CREBBP: variants seen among roughly 807,000 people sequenced by gnomAD.
CREBBP encodes the protein CREB-binding protein.
Under a neutral mutation model 265.0 loss-of-function variants are expected in CREBBP, and 19 were observed. The observed-to-expected ratio is 0.07, with a 90% CI of 0.05 to 0.11. CREBBP has a LOEUF of 0.11. CREBBP is among the 10% of genes least tolerant of loss of function. The pLI is 1.00. For synonymous variants in CREBBP, 1,457 were observed against 1,223.7 expected, an observed-to-expected ratio of 1.19 and a Z score of -3.98; for missense variants, 2,525 against 3,219.0, an observed-to-expected ratio of 0.78 and a Z score of 5.22.
intron 1 of CREBBP, among the ~76,000 whole-genome samples, chr16:3,860,619 T>C (rs916950577): frequency 2.2e-4 from 34 of 152,160 alleles, no homozygotes; most frequent in Non-Finnish European, 1.0e-4. Flanking sequence ...TTTCAAAACA[T>C]CATGTTGTAT....
Position 3,727,849 on chromosome 16 carries a change from A to G in CREBBP, c.7198T>C (p.Leu2400=), listed in dbSNP as rs1163628536. The G allele has an allele frequency of 6.2e-6, 10 of 1,613,978 alleles. No individual in the cohort carries two copies. Among genetic ancestry groups the G allele is most frequent in the African/African-American group, 1.3e-5 (1 of 74,906 alleles). Residue 2400 remains leucine, a synonymous_variant, in exon 31 of 31, where the codon TTG becomes CTG. Coordinates refer to ENST00000262367, the MANE Select transcript of CREBBP (RefSeq NM_004380.3). ...TMASSIDQGH[L]GNPEQSAMLP... is the part of the protein sequence containing the mutation. ...ATTGCACTCTGTTCGGGGTTCCCCA[A>G]GTGTCCCTGATCTATGGAGCTGGCC...
rs959951062 is a variant in CREBBP, at chr16:3,726,768, G to A, written c.*950C>T. The stretch of plus-strand genomic sequence containing the variant: ...CAGCATTTTCATAACAAAAAACCCC[G>A]AACACTAAGTGTTAATACCATGTAC... On this transcript the variant is annotated 3_prime_UTR_variant, in exon 31 of 31. Coordinates refer to ENST00000262367, the MANE Select transcript of CREBBP (RefSeq NM_004380.3). The A allele has an allele frequency of 8.6e-6, 2 of 233,318 alleles. No individual in the cohort carries two copies. Among genetic ancestry groups the A allele is most frequent in the Non-Finnish European group, 1.7e-5 (2 of 118,000 alleles). 14.5% of individuals were successfully genotyped at this position (233,318 alleles called of 1,614,324 possible).
chr16:3,817,717 A>G (rs1027499476), intron 2 of CREBBP, among the ~76,000 whole-genome samples: 4 of 152,008 alleles, frequency 2.6e-5, no homozygotes, highest in South Asian at 4.2e-4. Flanking sequence ...CCAAGCATCC[A>G]TTTTCTGGCT....
intron 1 of CREBBP, among the ~76,000 whole-genome samples, chr16:3,858,314 T>G (rs2055004734): frequency 6.6e-6 from 1 of 152,232 alleles, no homozygotes; most frequent in African/African-American, 2.4e-5. Flanking sequence ...ACACCTTTCT[T>G]CAGGTTTTCT....
At chr16:3,839,714 G>C (rs1251728276) in intron 2 of CREBBP, among the ~76,000 whole-genome samples, 1 of 138,002 alleles carries the variant, frequency 7.2e-6, no homozygotes, top group African/African-American at 2.7e-5. Context: ...GAAGGGAAGG[G>C]GAGGGGAGGG....
chr16:3,812,643 G>A (rs988746940), intron 2 of CREBBP, among the ~76,000 whole-genome samples: 2 of 151,996 alleles, frequency 1.3e-5, no homozygotes, highest in Admixed American at 1.3e-4. Flanking sequence ...CAAGTTCCCT[G>A]ATGACCCCCA....
At chr16:3,862,563 T>TA (rs2055099149) in intron 1 of CREBBP, among the ~76,000 whole-genome samples, 2 of 152,246 alleles carry the variant, frequency 1.3e-5, no homozygotes, top group Non-Finnish European at 2.9e-5. Context: ...TCATATGCTG[T>TA]GTTTTGTATG....
intron 1 of CREBBP, among the ~76,000 whole-genome samples, chr16:3,861,088 T>C (rs767530326): frequency 6.6e-5 from 10 of 152,172 alleles, no homozygotes; most frequent in Non-Finnish European, 1.3e-4. Flanking sequence ...CTAGCCAACA[T>C]GGTGAAACCC....
At chr16:3,747,860 C>T (rs2052380226) in intron 21 of CREBBP, among the ~76,000 whole-genome samples, 2 of 151,596 alleles carry the variant, frequency 1.3e-5, no homozygotes, top group South Asian at 2.1e-4. Context: ...GAGGCCGAGG[C>T]GGGTGGACCA....
Position 3,756,988 on chromosome 16 carries a change from A to G in CREBBP, c.3698+300T>C, listed in dbSNP as rs11866501. Reference sequence around the variant, plus strand: ...ACGCTTTATAACTAACTAAGAGGCCATGGGCCTAAGTGACTAACAAGACAC... The same window carrying G: ...ACGCTTTATAACTAACTAAGAGGCCGTGGGCCTAAGTGACTAACAAGACAC... On this transcript the variant is annotated intron_variant, in intron 19 of 30. Transcript: ENST00000262367. 8.7e-3 allele frequency among the ~76,000 whole-genome samples: 1,323 copies of G among 152,316 alleles called. 16 individuals carry two copies. The highest frequency in any genetic ancestry group is 0.029 in the African/African-American group (1,201 of 41,544).
At chr16:3,759,185 C>A (rs765347025) in intron 16 of CREBBP, among the ~76,000 whole-genome samples, 1 of 152,160 alleles carries the variant, frequency 6.6e-6, no homozygotes, top group Non-Finnish European at 1.5e-5. Flanking sequence ...AAATACAACA[C>A]TGGGAAGTTT....
At position 3,784,916 on chromosome 16, in the gene CREBBP, C is replaced by T. The variant is rs556956070; in HGVS notation, c.1331-1990G>A. Among the ~76,000 whole-genome samples, 42 of 152,196 alleles carry T rather than the reference C, an allele frequency of 2.8e-4. 1 individual carries two copies. Among genetic ancestry groups the T allele is most frequent in the Middle Eastern group, 6.8e-3 (2 of 294 alleles). On this transcript the variant is annotated intron_variant, in intron 5 of 30. Coordinates refer to ENST00000262367, the MANE Select transcript of CREBBP (RefSeq NM_004380.3). ...GTGTTAGAGGCATTCATTTTCTAAACGTAAACATTATTATATTTTTATTTT... is the reference window on the plus strand; with the variant it reads ...GTGTTAGAGGCATTCATTTTCTAAATGTAAACATTATTATATTTTTATTTT...
chr16:3,736,011 A>ATGGAGCTCAGAGAAGGGTC, intron 28 of CREBBP, 25 bp downstream of exon 28: 1 of 1,614,150 alleles, frequency 6.2e-7, no homozygotes, highest in Non-Finnish European at 8.5e-7. Context: ...CACGTGGGCA[A>ATGGAGCTCAGAGAAGGGTC]TGGAGCTCAG....
chr16:3,816,699 T>TC (rs1459991333), intron 2 of CREBBP, among the ~76,000 whole-genome samples: 1 of 152,082 alleles, frequency 6.6e-6, no homozygotes, highest in African/African-American at 2.4e-5. Context: ...CTCTAGAGGA[T>TC]TATCTGTCAC....
At chr16:3,762,201 G>C (rs1191177587) in intron 16 of CREBBP, among the ~76,000 whole-genome samples, 1 of 152,168 alleles carries the variant, frequency 6.6e-6, no homozygotes, top group Non-Finnish European at 1.5e-5. Flanking sequence ...CCCACAGCGT[G>C]GATCACTGGG....
Position 3,793,890 on chromosome 16 carries a change from C to T in CREBBP, c.976-264G>A, listed in dbSNP as rs191698710. Among the ~76,000 whole-genome samples, 207 of 152,284 alleles carry T rather than the reference C, an allele frequency of 1.4e-3. 1 individual carries two copies. The highest frequency in any genetic ancestry group is 4.8e-3 in the African/African-American group (199 of 41,556). ...AATGGCTGGCTCTTCACTGTAGCAA[C>T]CAAAATCCAACTCACTCTACAATAT... On this transcript the variant is annotated intron_variant, in intron 3 of 30. Transcript: ENST00000262367.
intron 2 of CREBBP, among the ~76,000 whole-genome samples, chr16:3,835,671 CCAGGTTCACGCCATTCTCCTGCCT>C (rs1289817477): frequency 6.7e-6 from 1 of 150,118 alleles, no homozygotes; most frequent in African/African-American, 2.5e-5. Context: ...GCTCCGCCTC[CCAGGTTCACGCCATTCTCCTGCCT>C]CAGCCTCCCG....
intron 3 of CREBBP, among the ~76,000 whole-genome samples, chr16:3,795,208 G>A (rs1037260135): frequency 6.6e-6 from 1 of 152,094 alleles, no homozygotes; most frequent in Non-Finnish European, 1.5e-5. Context: ...CATGAATGCA[G>A]GGCTCAACTC....
chr16:3,728,369 C>CGCCATGCCCCCA lies in CREBBP; in HGVS notation c.6666_6677dup (p.Gly2224_Gly2227dup). 6.2e-7 allele frequency: 1 copy of CGCCATGCCCCCA among 1,612,950 alleles called. No individual in the cohort carries two copies. Among genetic ancestry groups the CGCCATGCCCCCA allele is most frequent in the South Asian group, 1.1e-5 (1 of 91,014 alleles). ...GAGGCTGCTGGAACTGGCCGTGCCC[C>CGCCATGCCCCCA]GCCATGCCCCCAGCCATGCCGGCAC... is the stretch of plus-strand genomic sequence containing the variant. On this transcript the variant is annotated inframe_insertion, in exon 31 of 31. Coordinates refer to ENST00000262367, the MANE Select transcript of CREBBP (RefSeq NM_004380.3). The surrounding 1 kb of genome is among the most constrained non-coding windows in gnomAD (Gnocchi z 8.7).
Sources: gnomAD v4.1 joint callset for allele counts (sites outside exome capture counted in the v4.1 genomes callset) on GRCh38, gnomAD v4.1.1 for gene constraint, Gnocchi (gnomAD v3.1) non-coding constraint, MANE v1.5 for transcripts, NCBI Gene and HGNC (gene_info 2026-07-23, HGNC 2026-07-21) for gene names.